UBR1: variants seen among roughly 807,000 people sequenced by gnomAD.
The protein encoded by UBR1 is ubiquitin protein ligase E3 component n-recognin 1, also known as E3 ubiquitin-protein ligase UBR1.
A neutral mutation model predicts 242.1 loss-of-function variants in UBR1; 102 were observed. The observed-to-expected ratio is 0.42, with a 90% CI of 0.36 to 0.50. The LOEUF (loss-of-function observed/expected upper bound fraction) is 0.50, where lower values mean the gene tolerates loss of function less well. Ranked by LOEUF, UBR1 falls within the 20% of genes least tolerant of loss-of-function variation. UBR1 has a pLI of 0.01. For synonymous variants in UBR1, 675 were observed against 684.8 expected (o/e 0.99, Z 0.22); for missense variants, 1,772 against 2,101.8 (o/e 0.84, Z 3.07).
intron 46 of UBR1, among the ~76,000 whole-genome samples, chr15:42,949,787 A>T (rs2031799319): frequency 6.6e-6 from 1 of 151,564 alleles, no homozygotes; most frequent in South Asian, 2.1e-4. Context: ...TGAAACAGGG[A>T]GACTCTGTCT....
chr15:42,979,125 C>A (rs1463010009), intron 37 of UBR1, among the ~76,000 whole-genome samples: 5 of 151,900 alleles, frequency 3.3e-5, no homozygotes, highest in Non-Finnish European at 4.4e-5. Context: ...GATCTCTTGA[C>A]CTCGTGATCC....
intron 27 of UBR1, among the ~76,000 whole-genome samples, chr15:43,020,593 G>T (rs1055471736): frequency 2.0e-5 from 3 of 152,170 alleles, no homozygotes; most frequent in Admixed American, 2.0e-4. Context: ...ATATAGATTA[G>T]GTCACTTAAA....
chr15:43,079,239 G>T (rs184151012), intron 3 of UBR1, among the ~76,000 whole-genome samples: 1 of 152,156 alleles, frequency 6.6e-6, no homozygotes, highest in Non-Finnish European at 1.5e-5. Flanking sequence ...GCCGAGGCAG[G>T]AGGGCTGTTT....
At chr15:43,030,199 T>A (rs1473851918) in intron 20 of UBR1, 131 bp from the exon 21 acceptor site, 2 of 1,024,284 alleles carry the variant, frequency 2.0e-6, no homozygotes, top group Admixed American at 2.2e-5. Context: ...AAAAGTTATT[T>A]GAATGTGTTC....
Position 42,976,705 on chromosome 15 carries a change from T to A in UBR1, c.4369+12A>T, listed in dbSNP as rs375801185. 9 of 1,613,980 alleles carry A rather than the reference T, an allele frequency of 5.6e-6. No individual in the cohort carries two copies. The highest frequency in any genetic ancestry group is 6.8e-6 in the Non-Finnish European group (8 of 1,179,938). ...ATGTTATTCACAGTCAACACCCAGA[T>A]GAAAACCTTACCTGTGTCTACTGTA... On this transcript the variant is annotated intron_variant, in intron 39 of 46. Coordinates refer to ENST00000290650, the MANE Select transcript of UBR1 (RefSeq NM_174916.3).
At chr15:43,028,451 A>G (rs1314175211) in intron 21 of UBR1, among the ~76,000 whole-genome samples, 1 of 152,138 alleles carries the variant, frequency 6.6e-6, no homozygotes, top group Non-Finnish European at 1.5e-5. Context: ...CCTCCCTTAA[A>G]AATACATATA....
rs111966352 is a variant in UBR1 at position 43,100,444 on chromosome 15, T to C, written c.81+5498A>G. The stretch of plus-strand genomic sequence containing the variant: ...TCTATCTACAACCTCCATCCACCAA[T>C]CACTACTAATCTTACTACAATAAAT... On this transcript the variant is annotated intron_variant, in intron 1 of 46. Coordinates refer to ENST00000290650, the MANE Select transcript of UBR1 (RefSeq NM_174916.3). Among the ~76,000 whole-genome samples, 893 of 152,254 alleles carry C rather than the reference T, an allele frequency of 5.9e-3. 9 individuals carry two copies. The highest frequency in any genetic ancestry group is 0.02 in the African/African-American group (843 of 41,542).
intron 3 of UBR1, among the ~76,000 whole-genome samples, chr15:43,079,121 T>G (rs2141354648): frequency 6.6e-6 from 1 of 152,082 alleles, no homozygotes; most frequent in Middle Eastern, 3.4e-3. Context: ...AGAAAGCCAC[T>G]ATAACTGGAG....
At chr15:43,017,778 C>G (rs938775025) in intron 27 of UBR1, among the ~76,000 whole-genome samples, 9 of 150,684 alleles carry the variant, frequency 6.0e-5, no homozygotes, top group Non-Finnish European at 1.0e-4. Context: ...CCACTGCACT[C>G]CAGCCTGGGT....
rs767262512 is a variant in UBR1, at chr15:42,966,191, T to C, written c.4553A>G (p.Tyr1518Cys). Residue 1518 changes from tyrosine to cysteine, a missense_variant, in exon 41 of 47, where the codon TAT (tyrosine) becomes TGT (cysteine). Physicochemically the swap from Tyr to Cys is radical, Grantham distance 194. Coordinates refer to ENST00000290650, the MANE Select transcript of UBR1 (RefSeq NM_174916.3). Reference sequence around the variant, plus strand: ...CTCAGGCGGAGTTACCCCAAGTAAATAGTGGAAAAACAATGCAGCACAGCG... The same window carrying C: ...CTCAGGCGGAGTTACCCCAAGTAAACAGTGGAAAAACAATGCAGCACAGCG... ...YLRCAALFFH[Y>C]LLGVTPPEEL... 9 of 1,613,954 alleles carry C rather than the reference T, an allele frequency of 5.6e-6. No homozygotes were observed. The highest frequency in any genetic ancestry group is 2.2e-5 in the East Asian group (1 of 44,886).
At chr15:43,034,574 T>C (rs1409735381) in intron 19 of UBR1, among the ~76,000 whole-genome samples, 3 of 152,086 alleles carry the variant, frequency 2.0e-5, no homozygotes, top group South Asian at 2.1e-4. Flanking sequence ...TGAGAGCAAT[T>C]TGACAATATG....
rs538246850 is a variant in UBR1 at position 43,070,827 on chromosome 15, C to T, written c.627G>A (p.Glu209=). 1.9e-6 allele frequency: 3 copies of T among 1,613,656 alleles called. No individual in the cohort carries two copies. The highest frequency in any genetic ancestry group is 2.2e-5 in the East Asian group (1 of 44,844). The change falls in exon 5 of 47, where the codon GAG becomes GAA. Residue 209 remains glutamate (E), a synonymous_variant. Coordinates refer to ENST00000290650, the MANE Select transcript of UBR1 (RefSeq NM_174916.3). ...GGAGTTCAGGAGGCAGTTCTTTTTC[C>T]TCTTCCCATATAGTCATTTCTACGA... ...KYVVEMTIWE[E]EKELPPELQI...
rs1203213584 is a variant in UBR1 at position 42,998,082 on chromosome 15, C to A, written c.3757+86G>T. Reference sequence around the variant, plus strand: ...TATTCAAGAAATCTGTACTTGCAAACCATATTTTAGCCCAATAATTATTTA... The same window carrying A: ...TATTCAAGAAATCTGTACTTGCAAAACATATTTTAGCCCAATAATTATTTA... On this transcript the variant is annotated intron_variant, in intron 33 of 46. Transcript: ENST00000290650. The A allele has an allele frequency of 5.8e-6, 7 of 1,215,836 alleles. No individual in the cohort carries two copies. In the African/African-American group the frequency reaches 1.1e-4, roughly 19 times the overall value. The allele number at this position is 1,215,836 out of a possible 1,614,324, so 75.3% of individuals were successfully genotyped here.
chr15:42,959,244 G>C (rs1161464891), intron 43 of UBR1, among the ~76,000 whole-genome samples: 8 of 151,598 alleles, frequency 5.3e-5, no homozygotes, highest in Non-Finnish European at 1.2e-4. Context: ...TTTTTTTAGA[G>C]ACAGTATTCA....
At chr15:43,002,990 A>G (rs1293784189) in intron 31 of UBR1, among the ~76,000 whole-genome samples, 1 of 152,224 alleles carries the variant, frequency 6.6e-6, no homozygotes, top group East Asian at 1.9e-4. Flanking sequence ...CAGCATGGAC[A>G]CTACTTTCCT....
rs1190694356 is a variant in UBR1 at position 43,007,144 on chromosome 15, G to T, written c.3350C>A (p.Ser1117Ter). 2 of 1,614,086 alleles carry T rather than the reference G, an allele frequency of 1.2e-6. No individual in the cohort carries two copies. Among genetic ancestry groups the T allele is most frequent in the East Asian group, 2.2e-5 (1 of 44,878 alleles). Residue 1117 changes from serine (S) to a stop codon, truncating the protein, a stop_gained, in exon 30 of 47, where the codon TCG becomes TAG. Coordinates refer to ENST00000290650, the MANE Select transcript of UBR1 (RefSeq NM_174916.3). LOFTEE classifies it high-confidence loss of function. ...GGCAGTAGATTTCTGGACACAGGCC[G>T]ATAATACCATGGCATTATTTTCTAT... ...VKIENNAMVL[S>*]ACVQKSTALT...
At chr15:43,017,066 AT>A in intron 28 of UBR1, 28 bp downstream of exon 28, 1 of 1,552,190 alleles carries the variant, frequency 6.4e-7, no homozygotes, top group Non-Finnish European at 8.9e-7. Flanking sequence ...GAATGTCACC[AT>A]TACTACAGTG....
chr15:43,091,242 A>G (rs939254114), intron 1 of UBR1, among the ~76,000 whole-genome samples: 2 of 152,112 alleles, frequency 1.3e-5, no homozygotes, highest in African/African-American at 4.8e-5. Flanking sequence ...CTGGCCAAAT[A>G]TACAGTTTTA....
chr15:42,990,770 T>C lies in UBR1; in HGVS notation c.3758-650A>G, dbSNP rs144326298. Among the ~76,000 whole-genome samples the C allele has an allele frequency of 1.2e-3, 181 of 152,338 alleles. 1 individual carries two copies. The Middle Eastern group carries it at 0.017, about 14-fold the overall frequency. Reference sequence around the variant, plus strand: ...TAAATGTTCTCTTGATAAGGCAGCATATGTTAGTGAATAAGAGTAAATGAT... The same window carrying C: ...TAAATGTTCTCTTGATAAGGCAGCACATGTTAGTGAATAAGAGTAAATGAT... On this transcript the variant is annotated intron_variant, in intron 33 of 46. Coordinates refer to ENST00000290650, the MANE Select transcript of UBR1 (RefSeq NM_174916.3).
Sources: gnomAD v4.1 joint callset for allele counts (sites outside exome capture counted in the v4.1 genomes callset) on GRCh38, gnomAD v4.1.1 for gene constraint, MANE v1.5 for transcripts, NCBI Gene and HGNC (gene_info 2026-07-23, HGNC 2026-07-21) for gene names.